EYS: variants seen among roughly 807,000 people sequenced by gnomAD.
EYS encodes the protein EGF-like photoreceptor maintenance factor.
In EYS, 250 loss-of-function variants were observed where a neutral mutation model predicts 282.1. The ratio of observed to expected loss-of-function variants is 0.89; its 90% confidence interval spans 0.80 to 0.98. EYS has a LOEUF of 0.98. Among genes scored for constraint, EYS ranks in the 50% least tolerant of loss-of-function variants. The pLI, the probability that EYS is intolerant of heterozygous loss-of-function variation, is 0.00. For synonymous variants in EYS, 1,355 were observed against 1,282.9 expected, an observed-to-expected ratio of 1.06 and a Z score of -1.20; for missense variants, 4,016 against 3,709.0, an observed-to-expected ratio of 1.08 and a Z score of -2.15.
intron 22 of EYS, among the ~76,000 whole-genome samples, chr6:64,703,429 A>ATATATTT (rs869208549): frequency 1.3e-4 from 3 of 23,360 alleles, no homozygotes; most frequent in African/African-American, 2.9e-4. Context: ...ATATATATAT[A>ATATATTT]TTTTTTTTTT....
chr6:64,021,114 C>G (rs2149819290), intron 33 of EYS, among the ~76,000 whole-genome samples: 1 of 151,800 alleles, frequency 6.6e-6, no homozygotes, highest in African/African-American at 2.4e-5. Flanking sequence ...TTGTCTATTT[C>G]TCATCCAAAG....
At chr6:65,689,001 T>A (rs1238275970) in intron 1 of EYS, among the ~76,000 whole-genome samples, 1 of 150,944 alleles carries the variant, frequency 6.6e-6, no homozygotes, top group Non-Finnish European at 1.5e-5. Context: ...AAATACCATT[T>A]GACCCAGCCA....
intron 22 of EYS, among the ~76,000 whole-genome samples, chr6:64,810,153 G>A (rs1409447309): frequency 1.3e-5 from 2 of 151,856 alleles, no homozygotes; most frequent in Non-Finnish European, 2.9e-5. Flanking sequence ...CCCCTGACTT[G>A]AAGAAATAAA....
chr6:64,033,688 C>T (rs1769972630), intron 33 of EYS, among the ~76,000 whole-genome samples: 1 of 151,786 alleles, frequency 6.6e-6, no homozygotes, highest in South Asian at 2.1e-4. Flanking sequence ...AGATAGGTTG[C>T]TACAAAAACA....
At chr6:64,989,214 G>T (rs1770965672) in intron 14 of EYS, among the ~76,000 whole-genome samples, 1 of 150,344 alleles carries the variant, frequency 6.7e-6, no homozygotes. Flanking sequence ...CAGCTGGTGA[G>T]GCCAAAGCTA....
intron 1 of EYS, among the ~76,000 whole-genome samples, chr6:65,675,473 T>A (rs1420727723): frequency 6.6e-6 from 1 of 151,914 alleles, no homozygotes; most frequent in Admixed American, 6.6e-5. Flanking sequence ...GGTAGCCATA[T>A]TTGTATCAGA....
chr6:65,527,015 T>C (rs541174624), intron 2 of EYS, among the ~76,000 whole-genome samples: 1 of 152,292 alleles, frequency 6.6e-6, no homozygotes, highest in East Asian at 1.9e-4. Context: ...CCTAGGTTTC[T>C]GGAGAAAGGT....
Position 64,915,016 on chromosome 6 carries a change from T to C in EYS, c.2382-2273A>G, listed in dbSNP as rs574846439. Among the ~76,000 whole-genome samples the C allele has an allele frequency of 3.9e-5, 6 of 152,266 alleles. No individual in the cohort carries two copies. The South Asian group carries it at 6.2e-4, about 16-fold the overall frequency. ...AATGCTCTAATTATTTTGGTGACTT[T>C]CCATCCTAGTTTGCCTGGAGAGACT... On this transcript the variant is annotated intron_variant, in intron 15 of 42. Coordinates refer to ENST00000503581, the MANE Select transcript of EYS (RefSeq NM_001142800.2).
rs374998040 is a variant in EYS, at chr6:63,764,128, C to T, written c.7899-1495G>A. 7.9e-5 allele frequency among the ~76,000 whole-genome samples: 12 copies of T among 151,738 alleles called. No individual in the cohort carries two copies. The East Asian group carries it at 2.1e-3, about 27-fold the overall frequency. On this transcript the variant is annotated intron_variant, in intron 40 of 42. Coordinates refer to ENST00000503581, the MANE Select transcript of EYS (RefSeq NM_001142800.2). ...AGCCAGAGAGCAATAAACCACCGTG[C>T]CAGTCTAAAAAGCGCATTCTAGAAT...
At chr6:63,734,531 G>C (rs192344619) in intron 41 of EYS, among the ~76,000 whole-genome samples, 35 of 152,242 alleles carry the variant, frequency 2.3e-4, no homozygotes, top group Non-Finnish European at 3.8e-4. Flanking sequence ...TATAATACTG[G>C]TAAGAAGTGA....
intron 12 of EYS, among the ~76,000 whole-genome samples, chr6:65,211,531 TCTCTAA>T (rs1011769623): frequency 1.3e-5 from 2 of 152,030 alleles, no homozygotes; most frequent in African/African-American, 2.4e-5. Context: ...CTCTGACTCT[TCTCTAA>T]CTCTGAGGTA....
At chr6:63,999,271 T>C (rs1767972027) in intron 33 of EYS, 88 bp from the exon 34 acceptor site, 4 of 809,868 alleles carry the variant, frequency 4.9e-6, no homozygotes, top group South Asian at 1.5e-5. Context: ...TACTTCTTCA[T>C]TGAGAGAGGT....
chr6:63,757,728 G>T (rs1248573316), intron 41 of EYS, among the ~76,000 whole-genome samples: 3 of 152,088 alleles, frequency 2.0e-5, no homozygotes, highest in Non-Finnish European at 2.9e-5. Context: ...AGGGAAAATA[G>T]AAAGAACCTA....
intron 12 of EYS, among the ~76,000 whole-genome samples, chr6:65,248,626 T>C (rs1193345094): frequency 6.6e-6 from 1 of 151,914 alleles, no homozygotes; most frequent in African/African-American, 2.4e-5. Context: ...ATAAATCATC[T>C]AGAATAAAAG....
chr6:63,999,467 G>A lies in EYS; in HGVS notation c.6726-284C>T, dbSNP rs570729330. ...CCACAAAATAAAAAGAGCTTCATGT[G>A]TATAAGTAGATATTGACAAATTTTA... On this transcript the variant is annotated intron_variant, in intron 33 of 42. Coordinates refer to ENST00000503581, the MANE Select transcript of EYS (RefSeq NM_001142800.2). Among the ~76,000 whole-genome samples the A allele has an allele frequency of 5.0e-3, 763 of 152,322 alleles. 3 individuals carry two copies. Among genetic ancestry groups the A allele is most frequent in the Non-Finnish European group, 7.7e-3 (523 of 68,030 alleles).
At chr6:65,301,259 G>A (rs1185456934) in intron 11 of EYS, among the ~76,000 whole-genome samples, 1 of 151,936 alleles carries the variant, frequency 6.6e-6, no homozygotes, top group Non-Finnish European at 1.5e-5. Flanking sequence ...ACTTTGGGAG[G>A]CCGAGGCGGG....
intron 14 of EYS, among the ~76,000 whole-genome samples, chr6:64,992,322 CAT>C (rs932310629): frequency 1.4e-4 from 22 of 151,912 alleles, no homozygotes; most frequent in African/African-American, 5.1e-4. Context: ...AGTTGTGAAT[CAT>C]AGAACAAATT....
chr6:65,065,905 C>T (rs1046906656), intron 12 of EYS, among the ~76,000 whole-genome samples: 1 of 152,150 alleles, frequency 6.6e-6, no homozygotes, highest in African/African-American at 2.4e-5. Context: ...AGAACCTATC[C>T]AATAAATGTA....
intron 8 of EYS, among the ~76,000 whole-genome samples, chr6:65,363,255 T>C (rs1764783855): frequency 6.6e-6 from 1 of 152,070 alleles, no homozygotes; most frequent in African/African-American, 2.4e-5. Context: ...CATCTATTTA[T>C]TTCATTCTTC....
Sources: gnomAD v4.1 joint callset for allele counts (sites outside exome capture counted in the v4.1 genomes callset) on GRCh38, gnomAD v4.1.1 for gene constraint, MANE v1.5 for transcripts, NCBI Gene and HGNC (gene_info 2026-07-23, HGNC 2026-07-21) for gene names.